MOB3B: variants seen among roughly 807,000 people sequenced by gnomAD.
MOB3B encodes the protein MOB kinase activator 3B.
MOB3B carries 7 observed loss-of-function variants against 18.7 expected under a neutral mutation model. The ratio of observed to expected loss-of-function variants is 0.37; its 90% CI spans 0.21 to 0.70. The LOEUF is 0.70. MOB3B is among the 30% of genes least tolerant of loss of function. The pLI, the probability that MOB3B is intolerant of heterozygous loss-of-function variation, is 0.52. For missense variants in MOB3B, 253 were observed against 281.3 expected, an observed-to-expected ratio of 0.90 and a Z score of 0.72; for synonymous variants, 111 against 99.9, an observed-to-expected ratio of 1.11 and a Z score of -0.66.
chr9:27,411,627 A>G (rs967828284), intron 2 of MOB3B, among the ~76,000 whole-genome samples: 1 of 152,258 alleles, frequency 6.6e-6, no homozygotes, highest in African/African-American at 2.4e-5. Context: ...TCTTGCTCAC[A>G]TGTGAGGAAT....
intron 1 of MOB3B, among the ~76,000 whole-genome samples, chr9:27,461,075 G>A (rs1185445239): frequency 1.3e-5 from 2 of 152,164 alleles, no homozygotes; most frequent in African/African-American, 4.8e-5. Context: ...ATTCCTCTGT[G>A]TTATCTGAAA....
At chr9:27,524,896 G>C in intron 1 of MOB3B, 2 of 1,612,260 alleles carry the variant, frequency 1.2e-6, no homozygotes, top group Non-Finnish European at 1.7e-6. Context: ...GAGATTGTCC[G>C]AGTGGAAATC....
chr9:27,492,962 T>C (rs1483245377), intron 1 of MOB3B, among the ~76,000 whole-genome samples: 1 of 152,168 alleles, frequency 6.6e-6, no homozygotes. Flanking sequence ...ATTCCTATCT[T>C]ACAGGCTGTA....
At chr9:27,361,085 T>A (rs76994020) in intron 2 of MOB3B, among the ~76,000 whole-genome samples, 5,810 of 152,276 alleles carry the variant, frequency 0.038, 392 homozygotes, top group African/African-American at 0.13. Context: ...TTCCTTCACA[T>A]GGGGAGTCCT....
In MOB3B at chr9:27,476,564, GTTT is replaced by G. The variant is rs1308276459; in HGVS notation, c.-198-20819_-198-20817del. ...ACTGATTATTTTCTGCAATAACCCTGTTTTCAAATAAGGTCATGTTAAAAGGTA... is the reference window on the plus strand; with the variant it reads ...ACTGATTATTTTCTGCAATAACCCTGTCAAATAAGGTCATGTTAAAAGGTA... On this transcript the variant is annotated intron_variant, in intron 1 of 3. Coordinates refer to ENST00000262244, the MANE Select transcript of MOB3B (RefSeq NM_024761.5). Among the ~76,000 whole-genome samples the G allele has an allele frequency of 2.0e-5, 3 of 152,140 alleles. No homozygotes were observed. The South Asian group carries it at 6.2e-4, about 31-fold the overall frequency.
intron 1 of MOB3B, among the ~76,000 whole-genome samples, chr9:27,525,610 T>C (rs2131511593): frequency 6.6e-6 from 1 of 152,300 alleles, no homozygotes; most frequent in South Asian, 2.1e-4. Flanking sequence ...CATTTAACCT[T>C]TGAGAGTCTG....
At chr9:27,469,705 C>T (rs756461895) in intron 1 of MOB3B, among the ~76,000 whole-genome samples, 1 of 152,196 alleles carries the variant, frequency 6.6e-6, no homozygotes, top group South Asian at 2.1e-4. Context: ...AAGCCTCAAC[C>T]TCAGTGCCTG....
At chr9:27,471,222 C>A (rs1243555544) in intron 1 of MOB3B, among the ~76,000 whole-genome samples, 1 of 152,214 alleles carries the variant, frequency 6.6e-6, no homozygotes, top group Non-Finnish European at 1.5e-5. Flanking sequence ...CCTGGCCTGG[C>A]ATATCCAGTG....
chr9:27,344,443 G>C (rs540006739), intron 3 of MOB3B, among the ~76,000 whole-genome samples: 27 of 152,192 alleles, frequency 1.8e-4, no homozygotes. Context: ...AAACAAAATA[G>C]AGTAACTATG....
chr9:27,385,373 A>G (rs1157112177), intron 2 of MOB3B, among the ~76,000 whole-genome samples: 1 of 152,202 alleles, frequency 6.6e-6, no homozygotes, highest in African/African-American at 2.4e-5. Flanking sequence ...AGTGACAAAT[A>G]AGATAAACGG....
At chr9:27,359,348 G>A (rs571706245) in intron 2 of MOB3B, 112 bp from the exon 3 acceptor site, 21 of 610,544 alleles carry the variant, frequency 3.4e-5, no homozygotes, top group East Asian at 1.0e-4. Flanking sequence ...ACTGGCACCC[G>A]TCACAGGAGT....
At chr9:27,333,137 G>C (rs1239877321) in intron 3 of MOB3B, among the ~76,000 whole-genome samples, 2 of 152,050 alleles carry the variant, frequency 1.3e-5, no homozygotes, top group Non-Finnish European at 2.9e-5. Context: ...CAGAGTAACA[G>C]TTTCAGAGAG....
intron 2 of MOB3B, among the ~76,000 whole-genome samples, chr9:27,438,439 C>T (rs1822545718): frequency 6.6e-6 from 1 of 152,174 alleles, no homozygotes; most frequent in African/African-American, 2.4e-5. Context: ...ACCCCTGATA[C>T]AGCCAAGAGG....
At chr9:27,368,339 T>C (rs1821366817) in intron 2 of MOB3B, among the ~76,000 whole-genome samples, 1 of 132,706 alleles carries the variant, frequency 7.5e-6, no homozygotes, top group Admixed American at 8.3e-5. Flanking sequence ...TACATATATA[T>C]ACACACACAT....
At chr9:27,495,559 A>C (rs1392431799) in intron 1 of MOB3B, among the ~76,000 whole-genome samples, 2 of 152,112 alleles carry the variant, frequency 1.3e-5, no homozygotes, top group Non-Finnish European at 2.9e-5. Context: ...GATGGCCCCA[A>C]GGGACTGCTG....
intron 1 of MOB3B, among the ~76,000 whole-genome samples, chr9:27,464,129 CTT>C (rs1244919340): frequency 3.3e-5 from 5 of 151,776 alleles, no homozygotes; most frequent in African/African-American, 4.8e-5. Context: ...TGACTTTTGA[CTT>C]AATATCAAGA....
Position 27,493,179 on chromosome 9 carries a change from C to T in MOB3B, c.-199+36376G>A, listed in dbSNP as rs547621954. 3.3e-5 allele frequency among the ~76,000 whole-genome samples: 5 copies of T among 152,090 alleles called. No individual in the cohort carries two copies. In the East Asian group the frequency reaches 9.7e-4, roughly 29 times the overall value. On this transcript the variant is annotated intron_variant, in intron 1 of 3. Transcript: ENST00000262244. ...TTGAGACAGAATCTTGCTCTGTCAC[C>T]CAGGCTGGAGTGTTGTGGGAAGTCA... is the stretch of plus-strand genomic sequence containing the variant.
At chr9:27,414,240 A>G (rs755140436) in intron 2 of MOB3B, among the ~76,000 whole-genome samples, 1 of 152,224 alleles carries the variant, frequency 6.6e-6, no homozygotes, top group Non-Finnish European at 1.5e-5. Context: ...ACTTTGGACC[A>G]TGATTGTGAA....
Position 27,386,633 on chromosome 9 carries a change from G to A in MOB3B, c.419-27397C>T, listed in dbSNP as rs1821653432. Among the ~76,000 whole-genome samples the A allele has an allele frequency of 2.0e-5, 3 of 152,192 alleles. No homozygotes were observed. In the South Asian group the frequency reaches 6.2e-4, roughly 31 times the overall value. ...ATATGTAGCACAAACAGGGTCATGT[G>A]GAACACTGTACCAGTTGTCATCACA... is the stretch of plus-strand genomic sequence containing the variant. On this transcript the variant is annotated intron_variant, in intron 2 of 3. Coordinates refer to ENST00000262244, the MANE Select transcript of MOB3B (RefSeq NM_024761.5).
Sources: gnomAD v4.1 joint callset for allele counts (sites outside exome capture counted in the v4.1 genomes callset) on GRCh38, gnomAD v4.1.1 for gene constraint, MANE v1.5 for transcripts, NCBI Gene and HGNC (gene_info 2026-07-23, HGNC 2026-07-21) for gene names.